ARHGAP8: variants seen among roughly 807,000 people sequenced by gnomAD.
ARHGAP8 encodes rho GTPase-activating protein 8.
Under a neutral mutation model 46.1 loss-of-function variants are expected in ARHGAP8, and 62 were observed. The observed-to-expected ratio is 1.34, with a 90% confidence interval of 1.10 to 1.66. The LOEUF is 1.66. Among genes scored for constraint, ARHGAP8 ranks in the 40% most tolerant of loss-of-function variants. ARHGAP8 has a pLI of 0.00. For missense variants in ARHGAP8, 923 were observed against 568.4 expected (o/e 1.62, Z -6.34); for synonymous variants, 375 against 243.1 (o/e 1.54, Z -5.05).
intron 5 of ARHGAP8, among the ~76,000 whole-genome samples, chr22:44,819,501 A>G (rs531660669): frequency 3.9e-5 from 6 of 152,276 alleles, no homozygotes; most frequent in East Asian, 3.9e-4. Context: ...GCGAAACCCT[A>G]TCTCTATTAA....
intron 1 of ARHGAP8, among the ~76,000 whole-genome samples, chr22:44,753,781 G>C (rs933116498): frequency 6.6e-6 from 1 of 152,172 alleles, no homozygotes; most frequent in Non-Finnish European, 1.5e-5. Context: ...CTTGGCCACC[G>C]ACTTCAGGGT....
intron 5 of ARHGAP8, among the ~76,000 whole-genome samples, chr22:44,818,800 G>T (rs1236135321): frequency 6.6e-6 from 1 of 151,838 alleles, no homozygotes; most frequent in African/African-American, 2.4e-5. Flanking sequence ...GGGCTCAAGT[G>T]GTCCTCCCAC....
chr22:44,836,378 G>A (rs1931288466), intron 7 of ARHGAP8, among the ~76,000 whole-genome samples: 1 of 151,632 alleles, frequency 6.6e-6, no homozygotes, highest in Non-Finnish European at 1.5e-5. Context: ...TTGAACCCAG[G>A]TATAATGAGG....
chr22:44,798,834 C>G (rs117774334), intron 2 of ARHGAP8, among the ~76,000 whole-genome samples: 7,488 of 152,182 alleles, frequency 0.049, 266 homozygotes, highest in East Asian at 0.14. Flanking sequence ...GGTGCAATCT[C>G]TGCTCACTGC....
Position 44,813,090 on chromosome 22 carries a change from C to G in ARHGAP8, c.300-1582C>G, listed in dbSNP as rs573423559. Among the ~76,000 whole-genome samples, 169 of 152,258 alleles carry G rather than the reference C, an allele frequency of 1.1e-3. 1 individual carries two copies. The highest frequency in any genetic ancestry group is 3.8e-3 in the African/African-American group (156 of 41,530). On this transcript the variant is annotated intron_variant, in intron 4 of 11. Transcript: ENST00000356099. ...TGCTCCAGCTCAGGAATCTGCCATT[C>G]TCCAAGGAGCACAGTCGCCCTGGCT...
At chr22:44,858,556 A>C (rs1268253161) in intron 10 of ARHGAP8, among the ~76,000 whole-genome samples, 3 of 19,024 alleles carry the variant, frequency 1.6e-4, no homozygotes, top group Admixed American at 1.2e-3. Context: ...TTTTTTAAGT[A>C]ACAGGGTTTC....
At chr22:44,801,238 G>GA (rs576693230) in intron 2 of ARHGAP8, among the ~76,000 whole-genome samples, 2 of 80,710 alleles carry the variant, frequency 2.5e-5, no homozygotes, top group Non-Finnish European at 5.0e-5. Flanking sequence ...GTCCATGTGT[G>GA]GGGGCGCCTC....
At chr22:44,770,790 G>C (rs1341891005) in intron 1 of ARHGAP8, among the ~76,000 whole-genome samples, 1 of 152,192 alleles carries the variant, frequency 6.6e-6, no homozygotes, top group Non-Finnish European at 1.5e-5. Context: ...ACAATGGCTG[G>C]TGACTACACC....
intron 11 of ARHGAP8, among the ~76,000 whole-genome samples, chr22:44,861,673 G>A (rs890363308): frequency 6.6e-6 from 1 of 152,150 alleles, no homozygotes; most frequent in African/African-American, 2.4e-5. Context: ...CCCTCACGTT[G>A]GTCCACATGG....
At chr22:44,849,465 C>T (rs1346552666) in intron 10 of ARHGAP8, 1 of 242,050 alleles carries the variant, frequency 4.1e-6, no homozygotes, top group Non-Finnish European at 8.2e-6. Context: ...TTGTAGGATG[C>T]CAAGCATATA....
chr22:44,855,129 A>C (rs2070190234), intron 10 of ARHGAP8, among the ~76,000 whole-genome samples: 1 of 152,244 alleles, frequency 6.6e-6, no homozygotes, highest in Non-Finnish European at 1.5e-5. Flanking sequence ...GGGATTTTAT[A>C]AATTAACTTG....
At chr22:44,766,310 TATA>T (rs1925558657) in intron 1 of ARHGAP8, 1 of 153,140 alleles carries the variant, frequency 6.5e-6, no homozygotes, top group African/African-American at 2.4e-5. Flanking sequence ...ATCAGTTGTC[TATA>T]CTGGAGGAGG....
At chr22:44,779,358 C>T (rs1348468828) in intron 1 of ARHGAP8, among the ~76,000 whole-genome samples, 9 of 151,626 alleles carry the variant, frequency 5.9e-5, no homozygotes, top group Non-Finnish European at 1.2e-4. Flanking sequence ...GCCTCAGCCT[C>T]CCAAAGTTCT....
intron 3 of ARHGAP8, among the ~76,000 whole-genome samples, chr22:44,806,740 G>A (rs1046826033): frequency 4.6e-5 from 7 of 151,886 alleles, no homozygotes; most frequent in African/African-American, 1.7e-4. Context: ...GGATCACGAG[G>A]TCAGAAGATC....
chr22:44,794,387 C>A (rs564916252), intron 2 of ARHGAP8, among the ~76,000 whole-genome samples: 1 of 152,176 alleles, frequency 6.6e-6, no homozygotes, highest in East Asian at 1.9e-4. Flanking sequence ...CTGGGTACAG[C>A]CCTTTGCTTT....
chr22:44,794,193 A>G (rs915439868), intron 2 of ARHGAP8, among the ~76,000 whole-genome samples: 1 of 152,196 alleles, frequency 6.6e-6, no homozygotes, highest in Non-Finnish European at 1.5e-5. Context: ...GTCCGTGGTA[A>G]CAGCTCACAG....
intron 10 of ARHGAP8, among the ~76,000 whole-genome samples, chr22:44,858,838 TGAGCAGGCAGTTCGTCTA>T (rs2070327174): frequency 6.6e-6 from 1 of 151,234 alleles, no homozygotes; most frequent in Admixed American, 6.6e-5. Context: ...CTGAGAATCC[TGAGCAGGCAGTTCGTCTA>T]GAGCAGGGTT....
At chr22:44,862,252 T>C (rs2070528979) in intron 11 of ARHGAP8, 23 bp from the exon 12 acceptor site, 3 of 1,561,574 alleles carry the variant, frequency 1.9e-6, no homozygotes, top group South Asian at 1.2e-5. Flanking sequence ...CACTCCCCTT[T>C]ACTTGTGTGT....
intron 3 of ARHGAP8, among the ~76,000 whole-genome samples, chr22:44,804,282 C>T (rs1928780905): frequency 6.6e-6 from 1 of 152,172 alleles, no homozygotes; most frequent in African/African-American, 2.4e-5. Flanking sequence ...GGCCACCGAG[C>T]CTCCTTCCTG....
Sources: gnomAD v4.1 joint callset for allele counts (sites outside exome capture counted in the v4.1 genomes callset) on GRCh38, gnomAD v4.1.1 for gene constraint, MANE v1.5 for transcripts, NCBI Gene and HGNC (gene_info 2026-07-23, HGNC 2026-07-21) for gene names.